DGKH: variants seen among roughly 807,000 people sequenced by gnomAD.
DGKH encodes DAG kinase eta.
A neutral mutation model predicts 159.3 loss-of-function variants in DGKH; 90 were observed. The observed-to-expected ratio is 0.57, with a 90% confidence interval of 0.48 to 0.67. The LOEUF is 0.67. Ranked by LOEUF, DGKH falls within the 30% of genes least tolerant of loss-of-function variation. The probability of loss-of-function intolerance (pLI) is 0.00; values close to 1 mark genes in which losing one functional copy is unlikely to be tolerated. For synonymous variants in DGKH, 536 were observed against 553.8 expected (o/e 0.97, Z 0.45); for missense variants, 1,181 against 1,506.1 (o/e 0.78, Z 3.57).
rs1415083131 is a variant in DGKH at position 42,219,299 on chromosome 13, C to T, written c.3283C>T (p.Leu1095=). 6.2e-7 allele frequency: 1 copy of T among 1,613,916 alleles called. No individual in the cohort carries two copies. Among genetic ancestry groups the T allele is most frequent in the Non-Finnish European group, 8.5e-7 (1 of 1,179,888 alleles). ...CTCTGTGGAGGTGGAATTACAGAAA[C>T]TGACAGAGATTCCTTGGCTTTATTA... is the stretch of plus-strand genomic sequence containing the variant. ...LHSVEVELQK[L]TEIPWLYYIL... The change falls in exon 27 of 30, where the codon CTG becomes TTG. Residue 1095 remains leucine (L), a synonymous_variant. Transcript: ENST00000337343.
intron 16 of DGKH, among the ~76,000 whole-genome samples, chr13:42,191,924 A>G (rs1170121): frequency 0.083 from 12,678 of 152,194 alleles, 1,446 homozygotes; most frequent in African/African-American, 0.26. Context: ...TTCACTACAT[A>G]TAAACTTGGG....
At chr13:42,055,813 G>T (rs1348597308) in intron 1 of DGKH, among the ~76,000 whole-genome samples, 1 of 152,192 alleles carries the variant, frequency 6.6e-6, no homozygotes, top group Non-Finnish European at 1.5e-5. Context: ...GTTTGGTTTT[G>T]TTGGATATTG....
intron 1 of DGKH, among the ~76,000 whole-genome samples, chr13:42,099,608 G>A (rs1328114413): frequency 6.6e-6 from 1 of 152,188 alleles, no homozygotes; most frequent in Non-Finnish European, 1.5e-5. Flanking sequence ...GTAAGCAAGG[G>A]TAAAGGCTTG....
rs1410849129 is a variant in DGKH at position 42,040,821 on chromosome 13, A to AGCG, written c.-13+706_-13+708dup. ...GAAGCGCATCCAGGAGCCCCGGCGC[A>AGCG]GCGGCGGCGGCGGGGACCCGGGTCT... On this transcript the variant is annotated intron_variant, in intron 1 of 29. Coordinates refer to the DGKH transcript ENST00000379274. Among the ~76,000 whole-genome samples, 180 of 145,024 alleles carry AGCG rather than the reference A, an allele frequency of 1.2e-3. 2 individuals carry two copies. The highest frequency in any genetic ancestry group is 4.3e-3 in the African/African-American group (174 of 40,272).
At chr13:42,192,613 TCTTTTC>T (rs1171231967) in intron 16 of DGKH, among the ~76,000 whole-genome samples, 1 of 149,692 alleles carries the variant, frequency 6.7e-6, no homozygotes, top group Non-Finnish European at 1.5e-5. Context: ...TTCTTCTTCT[TCTTTTC>T]TTTCTTCTTT....
chr13:42,184,373 T>C (rs1178606552), intron 13 of DGKH, among the ~76,000 whole-genome samples: 1 of 152,142 alleles, frequency 6.6e-6, no homozygotes, highest in African/African-American at 2.4e-5. Flanking sequence ...AGGTGATAAA[T>C]GAGGGTACTA....
rs1165238756 is a variant in DGKH, at chr13:42,233,099, C to G, written c.*3911C>G. On this transcript the variant is annotated 3_prime_UTR_variant, in exon 30 of 30. Coordinates refer to ENST00000337343, the MANE Select transcript of DGKH (RefSeq NM_178009.5). Reference sequence around the variant, plus strand: ...TGAGCCATGATCATGCTACTGCCCTCCAGCCTGGGCAGCAGAGCAAGACCC... The same window carrying G: ...TGAGCCATGATCATGCTACTGCCCTGCAGCCTGGGCAGCAGAGCAAGACCC... 6.6e-6 allele frequency: 1 copy of G among 152,234 alleles called. No homozygotes were observed. The highest frequency in any genetic ancestry group is 1.5e-5 in the Non-Finnish European group (1 of 68,076). 9.4% of individuals were successfully genotyped at this position (152,234 alleles called of 1,614,324 possible). A position where few individuals can be genotyped will look rare whatever the true frequency, so the allele number is the denominator to read the frequency against.
intron 1 of DGKH, among the ~76,000 whole-genome samples, chr13:42,126,891 C>A (rs1955182023): frequency 2.0e-5 from 3 of 152,152 alleles, no homozygotes; most frequent in African/African-American, 7.2e-5. Flanking sequence ...AGAAATAACA[C>A]CTGGCTGATG....
chr13:42,147,657 G>A (rs1955772645), intron 3 of DGKH, among the ~76,000 whole-genome samples: 1 of 152,158 alleles, frequency 6.6e-6, no homozygotes, highest in Non-Finnish European at 1.5e-5. Context: ...CATTTAATGT[G>A]TCCATTAACT....
intron 26 of DGKH, among the ~76,000 whole-genome samples, 154 bp downstream of exon 26, chr13:42,215,821 A>G (rs930303686): frequency 3.3e-5 from 5 of 152,228 alleles, no homozygotes; most frequent in African/African-American, 9.6e-5. Context: ...TTTGTCTTCA[A>G]GAAAATATAT....
intron 24 of DGKH, 32 bp downstream of exon 24, chr13:42,210,797 G>A (rs1289754905): frequency 2.0e-5 from 32 of 1,584,222 alleles, no homozygotes; most frequent in Non-Finnish European, 2.6e-5. Context: ...TCAGGCTGTG[G>A]GAACTGTGGT....
At position 42,206,157 on chromosome 13, in the gene DGKH, G is replaced by T. The variant is rs374670706; in HGVS notation, c.2601+11G>T. ...ACTAAAGAGGATGATGTAAGTAATG[G>T]GAGTAAATAGTTTGTTTCCTCAAAA... On this transcript the variant is annotated intron_variant, in intron 21 of 29. Coordinates refer to ENST00000337343, the MANE Select transcript of DGKH (RefSeq NM_178009.5). 78 of 1,374,306 alleles carry T rather than the reference G, an allele frequency of 5.7e-5. No homozygotes were observed. Among genetic ancestry groups the T allele is most frequent in the Non-Finnish European group, 7.3e-5 (77 of 1,048,012 alleles). 85.1% of individuals were successfully genotyped at this position (1,374,306 alleles called of 1,614,324 possible).
Position 42,159,328 on chromosome 13 carries a change from AC to A in DGKH, c.688del (p.Leu230TrpfsTer9), listed in dbSNP as rs1956121530. On this transcript the variant is annotated frameshift_variant, in exon 6 of 30. Coordinates refer to ENST00000337343, the MANE Select transcript of DGKH (RefSeq NM_178009.5). LOFTEE classifies it high-confidence loss of function. ...VRATNNCKWT[T>X]LASIGKDIIE... ...AGCAACAAATAACTGTAAATGGACT[AC>A]CCTGGCCTCCATCGGGAAGGACATT... The A allele has an allele frequency of 6.3e-7, 1 of 1,592,764 alleles. No homozygotes were observed. The highest frequency in any genetic ancestry group is 8.5e-7 in the Non-Finnish European group (1 of 1,171,094).
At chr13:42,134,046 T>C (rs1258554031) in intron 3 of DGKH, among the ~76,000 whole-genome samples, 2 of 152,152 alleles carry the variant, frequency 1.3e-5, no homozygotes, top group Non-Finnish European at 2.9e-5. Flanking sequence ...TGCTGAAGTT[T>C]CTAAGGGTGA....
At chr13:42,144,117 C>T (rs1955654574) in intron 3 of DGKH, among the ~76,000 whole-genome samples, 1 of 152,178 alleles carries the variant, frequency 6.6e-6, no homozygotes, top group Non-Finnish European at 1.5e-5. Flanking sequence ...AATATCTTGA[C>T]AGTTCTATCC....
At chr13:42,140,407 G>A (rs1443684005) in intron 3 of DGKH, 2 of 152,226 alleles carry the variant, frequency 1.3e-5, no homozygotes, top group Non-Finnish European at 2.9e-5. Flanking sequence ...GCCTTTTACA[G>A]ACTCCAAATA....
At chr13:42,208,589 G>T (rs1224241632) in intron 21 of DGKH, among the ~76,000 whole-genome samples, 1 of 151,322 alleles carries the variant, frequency 6.6e-6, no homozygotes, top group Non-Finnish European at 1.5e-5. Context: ...CGCCTTTGTA[G>T]TTTTTTTTAG....
chr13:42,141,491 G>A (rs1182207889), intron 3 of DGKH, among the ~76,000 whole-genome samples: 1 of 152,108 alleles, frequency 6.6e-6, no homozygotes, highest in Non-Finnish European at 1.5e-5. Flanking sequence ...CTTCCACAAC[G>A]GTTGAACTAG....
chr13:42,096,645 C>A (rs1369768172), intron 1 of DGKH, among the ~76,000 whole-genome samples: 2 of 152,056 alleles, frequency 1.3e-5, no homozygotes, highest in Non-Finnish European at 2.9e-5. Context: ...TGACTTTTAC[C>A]CAATAATGTC....
Sources: gnomAD v4.1 joint callset for allele counts (sites outside exome capture counted in the v4.1 genomes callset) on GRCh38, gnomAD v4.1.1 for gene constraint, MANE v1.5 for transcripts, NCBI Gene and HGNC (gene_info 2026-07-23, HGNC 2026-07-21) for gene names.